Variants in IFT57 observed in about 807,000 individuals in gnomAD.
The protein encoded by IFT57 is intraflagellar transport 57, also known as intraflagellar transport protein 57 homolog.
In IFT57, 59 loss-of-function variants were observed where a neutral mutation model predicts 56.8. The observed-to-expected ratio is 1.04, with a 90% confidence interval of 0.84 to 1.29. The LOEUF (loss-of-function observed/expected upper bound fraction) is 1.29, where lower values mean the gene tolerates loss of function less well. IFT57 is among the 50% of genes most tolerant of loss of function. IFT57 has a pLI of 0.00. For missense variants in IFT57, 470 were observed against 522.1 expected (o/e 0.90, Z 0.97); for synonymous variants, 209 against 186.1 (o/e 1.12, Z -1.00).
At chr3:108,219,384 G>A in intron 2 of IFT57, 26 bp downstream of exon 2, 1 of 1,590,846 alleles carries the variant, frequency 6.3e-7, no homozygotes, top group Non-Finnish European at 8.6e-7. Context: ...TGAGAACAAG[G>A]AAAAAGAAGG....
intron 5 of IFT57, among the ~76,000 whole-genome samples, chr3:108,194,644 A>G (rs2080233686): frequency 1.3e-5 from 2 of 152,210 alleles, no homozygotes; most frequent in Non-Finnish European, 2.9e-5. Context: ...AAACAGATGC[A>G]AAGACCAATG....
chr3:108,195,441 T>A (rs750868648), intron 5 of IFT57, among the ~76,000 whole-genome samples: 1 of 151,984 alleles, frequency 6.6e-6, no homozygotes. Context: ...TAAAAATCTA[T>A]CATATAATCT....
chr3:108,197,952 C>T (rs1377575891), intron 5 of IFT57, among the ~76,000 whole-genome samples: 2 of 152,116 alleles, frequency 1.3e-5, no homozygotes, highest in Admixed American at 6.6e-5. Flanking sequence ...AAAAGGCTTG[C>T]ACAGTGTATA....
rs201220433 is a variant in IFT57 at position 108,214,021 on chromosome 3, C to A, written c.495G>T (p.Arg165Ser). The A allele has an allele frequency of 1.9e-6, 3 of 1,561,488 alleles. No individual in the cohort carries two copies. Among genetic ancestry groups the A allele is most frequent in the Non-Finnish European group, 2.6e-6 (3 of 1,134,212 alleles). ...CTAATTCTTCTACTGGGTATATTGG[C>A]CTAAAATAATAAGATTAAACATGAG... is the stretch of plus-strand genomic sequence containing the variant. Reference protein sequence around the residue: ...ALKYIGFTWKRPIYPVEELEE... With the variant: ...ALKYIGFTWKSPIYPVEELEE... Residue 165 changes from arginine (R) to serine (S), a missense_variant and splice_region_variant, in exon 4 of 11, where the codon AGG (arginine) becomes AGT (serine). By Grantham distance (110) the Arg-to-Ser change is moderately radical. Coordinates refer to ENST00000264538, the MANE Select transcript of IFT57 (RefSeq NM_018010.4).
chr3:108,174,905 C>G (rs897385131), intron 6 of IFT57, among the ~76,000 whole-genome samples: 5 of 151,790 alleles, frequency 3.3e-5, no homozygotes, highest in Non-Finnish European at 1.5e-5. Flanking sequence ...TATGTTATTG[C>G]AAGCCACTGT....
At chr3:108,174,462 G>A (rs1177892112) in intron 6 of IFT57, among the ~76,000 whole-genome samples, 4 of 130,528 alleles carry the variant, frequency 3.1e-5, no homozygotes, top group Non-Finnish European at 5.3e-5. Context: ...CATTAGTAGA[G>A]AATCCATTAG....
intron 5 of IFT57, among the ~76,000 whole-genome samples, chr3:108,198,721 G>T (rs543323222): frequency 2.0e-5 from 3 of 152,276 alleles, no homozygotes; most frequent in African/African-American, 4.8e-5. Flanking sequence ...GACTAGAGGC[G>T]TGAGTCACTG....
At chr3:108,172,445 C>G (rs547692425) in intron 6 of IFT57, among the ~76,000 whole-genome samples, 22 of 151,898 alleles carry the variant, frequency 1.4e-4, no homozygotes, top group South Asian at 4.1e-4. Context: ...GGGGAGCTAT[C>G]AGATATTTTT....
intron 5 of IFT57, among the ~76,000 whole-genome samples, chr3:108,191,898 G>A (rs1036021409): frequency 6.6e-6 from 1 of 152,096 alleles, no homozygotes. Flanking sequence ...ATGTTTCTGA[G>A]ACATCAGATT....
At chr3:108,163,551 A>G in intron 10 of IFT57, 112 bp downstream of exon 10, 1 of 711,488 alleles carries the variant, frequency 1.4e-6, no homozygotes, top group South Asian at 1.8e-5. Context: ...TCTCTCTTCA[A>G]ACAAGCAACA....
intron 6 of IFT57, among the ~76,000 whole-genome samples, chr3:108,179,147 G>A (rs2080139277): frequency 6.6e-6 from 1 of 151,824 alleles, no homozygotes; most frequent in South Asian, 2.1e-4. Flanking sequence ...AAGGCCCTGG[G>A]GGATCTGGAT....
chr3:108,167,168 A>T, intron 7 of IFT57, 183 bp from the exon 8 acceptor site: 1 of 548,536 alleles, frequency 1.8e-6, no homozygotes, highest in Non-Finnish European at 3.2e-6. Flanking sequence ...CACACTTAGA[A>T]GAGTTTTAGA....
intron 5 of IFT57, among the ~76,000 whole-genome samples, chr3:108,193,968 G>T (rs16854283): frequency 0.11 from 16,514 of 152,154 alleles, 1,759 homozygotes; most frequent in East Asian, 0.53. Flanking sequence ...CTTGCTAGTG[G>T]TATGTGAGCC....
chr3:108,169,035 G>T (rs529194407), intron 6 of IFT57, among the ~76,000 whole-genome samples: 2 of 152,120 alleles, frequency 1.3e-5, no homozygotes, highest in Non-Finnish European at 2.9e-5. Flanking sequence ...GGGTCAAATG[G>T]TATTTCTGAT....
At chr3:108,209,849 T>C (rs1025133849) in intron 4 of IFT57, among the ~76,000 whole-genome samples, 4 of 152,116 alleles carry the variant, frequency 2.6e-5, no homozygotes, top group African/African-American at 7.2e-5. Context: ...TCCGGCTTGA[T>C]AGCTGTGGAT....
At chr3:108,176,551 T>C (rs2080125085) in intron 6 of IFT57, among the ~76,000 whole-genome samples, 1 of 151,906 alleles carries the variant, frequency 6.6e-6, no homozygotes, top group African/African-American at 2.4e-5. Context: ...ATGTTTATTA[T>C]CCTGGTCGTT....
Position 108,222,399 on chromosome 3 carries a change from A to G in IFT57, c.-77T>C, listed in dbSNP as rs2080412083. 7.3e-7 allele frequency: 1 copy of G among 1,374,850 alleles called. No individual in the cohort carries two copies. The highest frequency in any genetic ancestry group is 9.8e-7 in the Non-Finnish European group (1 of 1,024,264). 85.2% of individuals were successfully genotyped at this position (1,374,850 alleles called of 1,614,324 possible). ...CTAAGCCGCCAGCCCTGCCGCCGCC[A>G]GTACAGCCACGACCGGTTACCAGGC... On this transcript the variant is annotated 5_prime_UTR_variant, in exon 1 of 11. Coordinates refer to ENST00000264538, the MANE Select transcript of IFT57 (RefSeq NM_018010.4).
rs1254483835 is a variant in IFT57, at chr3:108,162,347, A to T, written c.*130T>A. 3.3e-6 allele frequency: 2 copies of T among 598,616 alleles called. No individual in the cohort carries two copies. Among genetic ancestry groups the T allele is most frequent in the Non-Finnish European group, 5.7e-6 (2 of 350,006 alleles). The allele number at this position is 598,616 out of a possible 1,614,324, so 37.1% of individuals were successfully genotyped here. A position where few individuals can be genotyped will look rare whatever the true frequency, so the allele number is the denominator to read the frequency against. ...CTTTAACCATCATAATCACCATGAT[A>T]TAATATGTGAGTATGTATATGTAAA... On this transcript the variant is annotated 3_prime_UTR_variant, in exon 11 of 11. Coordinates refer to ENST00000264538, the MANE Select transcript of IFT57 (RefSeq NM_018010.4).
At chr3:108,189,817 T>C (rs575765400) in intron 6 of IFT57, among the ~76,000 whole-genome samples, 1 of 152,342 alleles carries the variant, frequency 6.6e-6, no homozygotes, top group East Asian at 1.9e-4. Flanking sequence ...ACTGATAATA[T>C]AAACAACACG....
Sources: gnomAD v4.1 joint callset for allele counts (sites outside exome capture counted in the v4.1 genomes callset) on GRCh38, gnomAD v4.1.1 for gene constraint, MANE v1.5 for transcripts, NCBI Gene and HGNC (gene_info 2026-07-23, HGNC 2026-07-21) for gene names.